Variants in HDAC9 observed in about 807,000 individuals in gnomAD.
HDAC9 encodes the protein MEF-2 interacting transcription repressor (MITR) protein.
A neutral mutation model predicts 139.4 loss-of-function variants in HDAC9; 41 were observed. The observed-to-expected ratio is 0.29, with a 90% CI of 0.23 to 0.38. The LOEUF (loss-of-function observed/expected upper bound fraction) is 0.38. Ranked by LOEUF, HDAC9 falls within the 10% of genes least tolerant of loss-of-function variation. The probability of loss-of-function intolerance (pLI) is 1.00; values close to 1 mark genes in which losing one functional copy is unlikely to be tolerated. For synonymous variants in HDAC9, 517 were observed against 476.2 expected (o/e 1.09, Z -1.12); for missense variants, 1,147 against 1,297.0 (o/e 0.88, Z 1.78).
intron 1 of HDAC9, among the ~76,000 whole-genome samples, chr7:18,303,013 T>C (rs17138955): frequency 0.086 from 13,150 of 152,182 alleles, 763 homozygotes; most frequent in East Asian, 0.25. Context: ...TTGTTTTTTT[T>C]TATGACTTTT....
intron 1 of HDAC9, among the ~76,000 whole-genome samples, chr7:18,442,311 C>T (rs573247907): frequency 1.4e-3 from 219 of 152,268 alleles, no homozygotes; most frequent in Non-Finnish European, 2.4e-3. Flanking sequence ...GTCCATTCAT[C>T]TCTCTTACAA....
intron 11 of HDAC9, among the ~76,000 whole-genome samples, chr7:18,650,054 G>C (rs2129035610): frequency 6.6e-6 from 1 of 152,198 alleles, no homozygotes; most frequent in South Asian, 2.1e-4. Context: ...AGTATCTTCA[G>C]GAGAGAGCCA....
At chr7:18,396,969 C>T (rs1294530217) in intron 1 of HDAC9, among the ~76,000 whole-genome samples, 2 of 151,992 alleles carry the variant, frequency 1.3e-5, no homozygotes, top group Non-Finnish European at 2.9e-5. Context: ...ATACCGATTG[C>T]TCCCCACCCT....
intron 12 of HDAC9, among the ~76,000 whole-genome samples, chr7:18,721,723 G>GAAAGC (rs1403646582): frequency 6.6e-6 from 1 of 152,026 alleles, no homozygotes; most frequent in Non-Finnish European, 1.5e-5. Flanking sequence ...ATAGCAACAA[G>GAAAGC]AAAGCAAAGC....
chr7:18,415,874 A>G (rs771580272), intron 1 of HDAC9, among the ~76,000 whole-genome samples: 1 of 152,086 alleles, frequency 6.6e-6, no homozygotes, highest in African/African-American at 2.4e-5. Context: ...TTTTAGTTAT[A>G]GGGAATTGCA....
chr7:18,634,379 T>G (rs1183825201), intron 7 of HDAC9, among the ~76,000 whole-genome samples: 1 of 151,804 alleles, frequency 6.6e-6, no homozygotes, highest in Admixed American at 6.6e-5. Flanking sequence ...CCTCTCTAAC[T>G]GGATATCTTT....
chr7:18,733,389 A>G (rs1786576751), intron 13 of HDAC9, among the ~76,000 whole-genome samples: 1 of 150,532 alleles, frequency 6.6e-6, no homozygotes, highest in Non-Finnish European at 1.5e-5. Flanking sequence ...AGCTTCTGTT[A>G]TTACTCATAT....
At chr7:18,985,616 C>G (rs1482421803) in intron 25 of HDAC9, among the ~76,000 whole-genome samples, 1 of 147,974 alleles carries the variant, frequency 6.8e-6, no homozygotes, top group Non-Finnish European at 1.5e-5. Flanking sequence ...AATGGTATTT[C>G]TAGTTCTAGA....
intron 1 of HDAC9, among the ~76,000 whole-genome samples, chr7:18,392,371 GTC>G (rs929305593): frequency 1.5e-5 from 2 of 132,408 alleles, no homozygotes; most frequent in Non-Finnish European, 3.3e-5. Context: ...TCTAATCTCT[GTC>G]TCTCTAGATA....
chr7:18,665,109 A>G (rs1794459968), intron 11 of HDAC9, among the ~76,000 whole-genome samples: 1 of 152,142 alleles, frequency 6.6e-6, no homozygotes, highest in South Asian at 2.1e-4. Flanking sequence ...TCACATTTTA[A>G]AACATGTATT....
At chr7:18,821,917 A>G (rs1046327143) in intron 17 of HDAC9, among the ~76,000 whole-genome samples, 4 of 152,184 alleles carry the variant, frequency 2.6e-5, no homozygotes, top group East Asian at 1.9e-4. Flanking sequence ...TTACTGTTTT[A>G]CTATGAGAGA....
At chr7:18,265,553 T>C (rs1205792592) in intron 2 of HDAC9, among the ~76,000 whole-genome samples, 2 of 152,150 alleles carry the variant, frequency 1.3e-5, no homozygotes, top group Admixed American at 6.6e-5. Flanking sequence ...CTTATGATAA[T>C]TCAGTAGATT....
chr7:18,441,259 G>C (rs1053581385), intron 1 of HDAC9, among the ~76,000 whole-genome samples: 1 of 151,634 alleles, frequency 6.6e-6, no homozygotes, highest in Non-Finnish European at 1.5e-5. Flanking sequence ...CTTTTTTAAA[G>C]AAAAAAAAGT....
At chr7:18,322,503 C>T (rs563768382) in intron 1 of HDAC9, among the ~76,000 whole-genome samples, 1 of 152,290 alleles carries the variant, frequency 6.6e-6, no homozygotes, top group South Asian at 2.1e-4. Flanking sequence ...GGGAACGTAT[C>T]ATTTTGATAT....
At chr7:18,917,791 C>G (rs1466427599) in intron 22 of HDAC9, among the ~76,000 whole-genome samples, 1 of 152,000 alleles carries the variant, frequency 6.6e-6, no homozygotes, top group African/African-American at 2.4e-5. Context: ...TGAGATGACA[C>G]TGATGACCGT....
At chr7:18,570,377 A>G (rs1328437125) in intron 2 of HDAC9, among the ~76,000 whole-genome samples, 3 of 152,222 alleles carry the variant, frequency 2.0e-5, no homozygotes, top group Non-Finnish European at 4.4e-5. Flanking sequence ...ATATGAAGAA[A>G]TATATTCAAT....
intron 22 of HDAC9, among the ~76,000 whole-genome samples, chr7:18,886,480 C>G (rs2024022): frequency 0.22 from 33,816 of 152,046 alleles, 4,196 homozygotes; most frequent in South Asian, 0.34. Flanking sequence ...TTTGACATAT[C>G]TGAAATTGGA....
At chr7:18,426,954 CT>C (rs1040703381) in intron 1 of HDAC9, among the ~76,000 whole-genome samples, 3 of 151,474 alleles carry the variant, frequency 2.0e-5, no homozygotes, top group South Asian at 4.2e-4. Context: ...TGTTTTCTTT[CT>C]TTTTTTTTCT....
rs148159440 is a variant in HDAC9, at chr7:18,867,453, A to G, written c.2685-7025A>G. On this transcript the variant is annotated intron_variant, in intron 21 of 25. Transcript: ENST00000686413. Reference sequence around the variant, plus strand: ...AAATTTCTGAGCCCTAAAATGTTTTAAAGTATTTAAGTCACATACTTAAAT... The same window carrying G: ...AAATTTCTGAGCCCTAAAATGTTTTGAAGTATTTAAGTCACATACTTAAAT... Among the ~76,000 whole-genome samples, 36 of 152,346 alleles carry G rather than the reference A, an allele frequency of 2.4e-4. No homozygotes were observed. The East Asian group carries it at 6.9e-3, about 29-fold the overall frequency.
Sources: allele counts gnomAD v4.1 joint callset (sites outside exome capture counted in the v4.1 genomes callset), GRCh38; gene constraint gnomAD v4.1.1; transcripts MANE v1.5; gene names NCBI Gene and HGNC (gene_info 2026-07-23, HGNC 2026-07-21).